DENND10: variants seen among roughly 807,000 people sequenced by gnomAD.
The protein encoded by DENND10 is DENN domain containing 10, also known as DENN domain-containing protein 10.
DENND10 carries 24 observed loss-of-function variants against 43.6 expected under a neutral mutation model. The ratio of observed to expected loss-of-function variants is 0.55; its 90% CI spans 0.40 to 0.77. The LOEUF is 0.77. Ranked by LOEUF, DENND10 falls within the 30% of genes least tolerant of loss-of-function variation. The pLI is 0.00. For synonymous variants in DENND10, 125 were observed against 157.6 expected (o/e 0.79, Z 1.55); for missense variants, 303 against 429.9 (o/e 0.70, Z 2.61).
intron 6 of DENND10, among the ~76,000 whole-genome samples, chr10:119,124,254 G>A (rs900945486): frequency 2.6e-5 from 4 of 151,240 alleles, no homozygotes; most frequent in African/African-American, 4.9e-5. Context: ...GGCCGGGCGC[G>A]GTGCCTCATG....
At chr10:119,120,292 C>A (rs895608236) in intron 4 of DENND10, 49 bp from the exon 5 acceptor site, 59 of 1,108,674 alleles carry the variant, frequency 5.3e-5, no homozygotes, top group Non-Finnish European at 7.8e-5. Flanking sequence ...ATCTTTATTT[C>A]TTTGCATGAT....
At chr10:119,110,018 G>A (rs1844901324) in intron 2 of DENND10, among the ~76,000 whole-genome samples, 1 of 151,928 alleles carries the variant, frequency 6.6e-6, no homozygotes, top group Admixed American at 6.6e-5. Context: ...TCACTCTGTT[G>A]CCCAGGCTGG....
intron 6 of DENND10, among the ~76,000 whole-genome samples, chr10:119,128,453 CAA>C (rs1303053336): frequency 2.0e-5 from 3 of 151,768 alleles, no homozygotes; most frequent in African/African-American, 7.3e-5. Context: ...ACTCAAAATA[CAA>C]AAATTAGCCA....
chr10:119,134,549 C>T (rs567050241), intron 8 of DENND10: 1 of 151,660 alleles, frequency 6.6e-6, no homozygotes, highest in East Asian at 2.0e-4. Flanking sequence ...GGCAGGGTTT[C>T]ACCATGTTGG....
intron 6 of DENND10, among the ~76,000 whole-genome samples, chr10:119,126,042 G>A (rs1004678232): frequency 2.6e-5 from 4 of 152,044 alleles, no homozygotes; most frequent in Non-Finnish European, 5.9e-5. Flanking sequence ...CCAGATTAGT[G>A]AGAACATGCA....
intron 6 of DENND10, among the ~76,000 whole-genome samples, chr10:119,124,503 T>C (rs1160809303): frequency 6.6e-6 from 1 of 151,798 alleles, no homozygotes; most frequent in African/African-American, 2.4e-5. Context: ...ACTGAGCCAC[T>C]GCACTCCAGC....
At chr10:119,105,291 C>G (rs1005641846) in intron 1 of DENND10, 2 of 153,800 alleles carry the variant, frequency 1.3e-5, no homozygotes, top group Non-Finnish European at 2.9e-5. Flanking sequence ...CTTTGTCTTT[C>G]TTCTTTTTTT....
chr10:119,116,544 CA>C (rs1845283104), intron 3 of DENND10, among the ~76,000 whole-genome samples: 3 of 152,162 alleles, frequency 2.0e-5, no homozygotes, highest in African/African-American at 7.2e-5. Flanking sequence ...CCTGGGACCT[CA>C]GGAAGTTCGT....
intron 3 of DENND10, among the ~76,000 whole-genome samples, chr10:119,116,238 G>C (rs913816952): frequency 1.3e-5 from 2 of 152,176 alleles, no homozygotes; most frequent in Non-Finnish European, 2.9e-5. Context: ...TATAAATGCA[G>C]CCAGTTTCCT....
intron 3 of DENND10, among the ~76,000 whole-genome samples, chr10:119,116,665 CTTTT>C (rs71016543): frequency 0.47 from 59,818 of 127,544 alleles, 13,050 homozygotes; most frequent in Middle Eastern, 0.61. Context: ...TTCTTTCTTT[CTTTT>C]TTTTTTTTTT....
chr10:119,136,398 G>A, intron 8 of DENND10, 73 bp from the exon 9 acceptor site: 1 of 1,517,756 alleles, frequency 6.6e-7, no homozygotes, highest in Non-Finnish European at 8.9e-7. Flanking sequence ...GAAAAAATAG[G>A]AAGAATTCTA....
intron 8 of DENND10, among the ~76,000 whole-genome samples, chr10:119,135,801 A>AAAAAAAAAAAAAAAAAAAAAAAAAAAAAC: frequency 2.7e-5 from 4 of 149,216 alleles, no homozygotes; most frequent in South Asian, 2.1e-4. Flanking sequence ...TAAAAAAAAA[A>AAAAAAAAAAAAAAAAAAAAAAAAAAAAAC]AAAAAAAAAA....
At chr10:119,129,868 T>C (rs780640111) in intron 7 of DENND10, among the ~76,000 whole-genome samples, 7 of 152,268 alleles carry the variant, frequency 4.6e-5, no homozygotes, top group Non-Finnish European at 2.9e-5. Flanking sequence ...TCACTACTTT[T>C]GTGTTTAAAC....
chr10:119,136,356 A>G, intron 8 of DENND10, 115 bp from the exon 9 acceptor site: 1 of 1,257,534 alleles, frequency 8.0e-7, no homozygotes, highest in Non-Finnish European at 1.1e-6. Context: ...CCACCACGCC[A>G]AGCTCATTTT....
intron 2 of DENND10, among the ~76,000 whole-genome samples, chr10:119,110,313 A>G (rs1844918347): frequency 6.6e-6 from 1 of 151,872 alleles, no homozygotes; most frequent in African/African-American, 2.4e-5. Context: ...CTGGGACTAC[A>G]GGCATGCACC....
In DENND10 at chr10:119,104,302, A is replaced by C. The variant is rs1844573831; in HGVS notation, c.55+105A>C. The stretch of plus-strand genomic sequence containing the variant: ...TCCCGCGGCCCCCGGCGCCGACCGC[A>C]TGAGGAGGGCGCGGCCCCCTCCCTG... On this transcript the variant is annotated intron_variant, in intron 1 of 8. Coordinates refer to ENST00000361432, the MANE Select transcript of DENND10 (RefSeq NM_207009.4). 2.7e-6 allele frequency: 3 copies of C among 1,093,098 alleles called. No homozygotes were observed. The South Asian group carries it at 4.8e-5, about 17-fold the overall frequency. The allele number at this position is 1,093,098 out of a possible 1,614,324, so 67.7% of individuals were successfully genotyped here.
chr10:119,104,764 C>T (rs984143556), intron 1 of DENND10: 5 of 152,332 alleles, frequency 3.3e-5, no homozygotes, highest in Admixed American at 2.0e-4. Flanking sequence ...CTCCTTTTAG[C>T]TCTCACCAAG....
intron 7 of DENND10, among the ~76,000 whole-genome samples, chr10:119,130,199 T>C (rs1243211959): frequency 6.6e-6 from 1 of 151,902 alleles, no homozygotes; most frequent in Admixed American, 6.6e-5. Context: ...TGGAGTCTTA[T>C]GCCCAGGCTG....
intron 7 of DENND10, among the ~76,000 whole-genome samples, chr10:119,131,835 A>G (rs1279865656): frequency 1.3e-5 from 2 of 152,246 alleles, no homozygotes; most frequent in African/African-American, 2.4e-5. Flanking sequence ...GGCTGTGGCT[A>G]GGGCCACTTA....
Sources: gnomAD v4.1 joint callset for allele counts (sites outside exome capture counted in the v4.1 genomes callset) on GRCh38, gnomAD v4.1.1 for gene constraint, MANE v1.5 for transcripts, NCBI Gene and HGNC (gene_info 2026-07-23, HGNC 2026-07-21) for gene names.